FARS2: variants seen among roughly 807,000 people sequenced by gnomAD.
The protein encoded by FARS2 is phenylalanine--tRNA ligase, mitochondrial.
A neutral mutation model predicts 46.4 loss-of-function variants in FARS2; 40 were observed. The ratio of observed to expected loss-of-function variants is 0.86; its 90% CI spans 0.67 to 1.12. The LOEUF is 1.12. Among genes scored for constraint, FARS2 ranks in the 50% most tolerant of loss-of-function variants. The pLI is 0.00. For missense variants in FARS2, 513 were observed against 567.9 expected (o/e 0.90, Z 0.98); for synonymous variants, 234 against 214.9 (o/e 1.09, Z -0.78).
intron 4 of FARS2, among the ~76,000 whole-genome samples, chr6:5,501,162 A>C (rs957136572): frequency 2.6e-5 from 4 of 152,140 alleles, no homozygotes; most frequent in Non-Finnish European, 4.4e-5. Flanking sequence ...CTCGCCATCT[A>C]GTATCTAAAC....
intron 4 of FARS2, among the ~76,000 whole-genome samples, chr6:5,436,821 G>A (rs1382871000): frequency 1.3e-5 from 2 of 152,170 alleles, no homozygotes; most frequent in Non-Finnish European, 2.9e-5. Flanking sequence ...AAATACCCTA[G>A]ATAATTCTTA....
At chr6:5,615,118 G>A (rs986732765) in intron 6 of FARS2, among the ~76,000 whole-genome samples, 1 of 152,012 alleles carries the variant, frequency 6.6e-6, no homozygotes, top group African/African-American at 2.4e-5. Context: ...ATATATCATT[G>A]TGTTTCACAA....
At chr6:5,425,262 A>C (rs1004977273) in intron 3 of FARS2, among the ~76,000 whole-genome samples, 6 of 152,180 alleles carry the variant, frequency 3.9e-5, no homozygotes, top group Admixed American at 2.0e-4. Flanking sequence ...CTGATCTTTC[A>C]AAATTTAGAT....
rs984526195 is a variant in FARS2 at position 5,488,936 on chromosome 6, C to G, written c.905-56244C>G. Among the ~76,000 whole-genome samples the G allele has an allele frequency of 2.0e-5, 3 of 152,106 alleles. 1 individual carries two copies. The highest frequency in any genetic ancestry group is 4.4e-5 in the Non-Finnish European group (3 of 68,032). On this transcript the variant is annotated intron_variant, in intron 4 of 6. Coordinates refer to ENST00000274680, the MANE Select transcript of FARS2 (RefSeq NM_006567.5). ...ATATTTATTGTGCTCTTACTGTGTC[C>G]CAGGTACATTTCTAGGCACTGGGTC...
chr6:5,689,105 A>T (rs1407872509), intron 6 of FARS2, among the ~76,000 whole-genome samples: 1 of 151,938 alleles, frequency 6.6e-6, no homozygotes, highest in East Asian at 1.9e-4. Flanking sequence ...CTTCTTTATT[A>T]GTCTTGCTAG....
At chr6:5,497,122 C>T (rs964901615) in intron 4 of FARS2, among the ~76,000 whole-genome samples, 43 of 152,150 alleles carry the variant, frequency 2.8e-4, no homozygotes, top group Non-Finnish European at 2.6e-4. Flanking sequence ...AATGAAATCT[C>T]GTGTATGATG....
At chr6:5,685,646 G>A (rs547348807) in intron 6 of FARS2, among the ~76,000 whole-genome samples, 4 of 152,282 alleles carry the variant, frequency 2.6e-5, no homozygotes, top group African/African-American at 9.6e-5. Flanking sequence ...TCTACCTGGA[G>A]TAGATAAAGC....
chr6:5,298,785 A>G (rs1443171120), intron 1 of FARS2, among the ~76,000 whole-genome samples: 3 of 150,250 alleles, frequency 2.0e-5, no homozygotes, highest in Non-Finnish European at 4.4e-5. Flanking sequence ...ATACAAAAAT[A>G]CCAGGAGGTG....
chr6:5,557,840 A>G (rs1771753671), intron 5 of FARS2, among the ~76,000 whole-genome samples: 2 of 152,138 alleles, frequency 1.3e-5, no homozygotes, highest in South Asian at 4.1e-4. Flanking sequence ...CTTTCATAGG[A>G]TAACTGGATA....
intron 4 of FARS2, among the ~76,000 whole-genome samples, chr6:5,499,744 G>T (rs1159496744): frequency 6.6e-6 from 1 of 152,142 alleles, no homozygotes; most frequent in East Asian, 1.9e-4. Flanking sequence ...TAGAAAACTG[G>T]TACAAAGCCA....
intron 4 of FARS2, among the ~76,000 whole-genome samples, chr6:5,491,043 A>G (rs1404891593): frequency 3.3e-5 from 5 of 152,252 alleles, no homozygotes; most frequent in Non-Finnish European, 7.3e-5. Context: ...ACACATCAAT[A>G]GATAAGGAAT....
At chr6:5,554,298 C>T (rs1247403292) in intron 5 of FARS2, among the ~76,000 whole-genome samples, 1 of 152,006 alleles carries the variant, frequency 6.6e-6, no homozygotes, top group Non-Finnish European at 1.5e-5. Context: ...GTATTTACTT[C>T]AGAAAAAAGG....
intron 4 of FARS2, among the ~76,000 whole-genome samples, chr6:5,446,322 G>A (rs953218184): frequency 1.3e-5 from 2 of 152,020 alleles, no homozygotes; most frequent in African/African-American, 4.8e-5. Flanking sequence ...TTATTTGTCT[G>A]TGGAGCCCTG....
rs57471569 is a variant in FARS2, at chr6:5,502,893, C to A, written c.905-42287C>A. Reference sequence around the variant, plus strand: ...ACTTCAAATAGAAAATCAGTTAATTCGAATTTTTTTTTGTTTTTTTCCATG... The same window carrying A: ...ACTTCAAATAGAAAATCAGTTAATTAGAATTTTTTTTTGTTTTTTTCCATG... On this transcript the variant is annotated intron_variant, in intron 4 of 6. Coordinates refer to ENST00000274680, the MANE Select transcript of FARS2 (RefSeq NM_006567.5). Among the ~76,000 whole-genome samples, 637 of 152,084 alleles carry A rather than the reference C, an allele frequency of 4.2e-3. 3 individuals are homozygous for A. Among genetic ancestry groups the A allele is most frequent in the African/African-American group, 0.015 (605 of 41,504 alleles).
intron 6 of FARS2, among the ~76,000 whole-genome samples, chr6:5,697,685 G>A (rs1758188291): frequency 6.6e-6 from 1 of 152,188 alleles, no homozygotes; most frequent in African/African-American, 2.4e-5. Context: ...ATTCACCTTT[G>A]AAGTAGTTTC....
At chr6:5,269,639 CA>C (rs989696192) in intron 1 of FARS2, among the ~76,000 whole-genome samples, 2 of 152,126 alleles carry the variant, frequency 1.3e-5, no homozygotes, top group African/African-American at 4.8e-5. Context: ...AGGTTGTTTA[CA>C]GAAAACATTT....
At chr6:5,570,672 A>T (rs993120300) in intron 5 of FARS2, among the ~76,000 whole-genome samples, 1 of 152,338 alleles carries the variant, frequency 6.6e-6, no homozygotes. Context: ...TTAATAGGTT[A>T]TTTCAACCTC....
At position 5,311,782 on chromosome 6, in the gene FARS2, G is replaced by A. The variant is rs1414405827; in HGVS notation, c.-22+50122G>A. Among the ~76,000 whole-genome samples the A allele has an allele frequency of 6.6e-6, 1 of 152,126 alleles. No individual in the cohort carries two copies. The highest frequency in any genetic ancestry group is 1.5e-5 in the Non-Finnish European group (1 of 68,022). On this transcript the variant is annotated intron_variant, in intron 1 of 6. Transcript: ENST00000274680. The surrounding 1 kb of genome is among the most constrained non-coding windows in gnomAD (Gnocchi z 4.1). ...AATGGTTTGTACTTGTTGGGAAGAA[G>A]CAGCTCATGTTTGGATCTAGCTGTC...
chr6:5,702,994 C>T (rs576953124), intron 6 of FARS2, among the ~76,000 whole-genome samples: 7 of 152,134 alleles, frequency 4.6e-5, no homozygotes, highest in East Asian at 1.9e-4. Flanking sequence ...TTGTGGATAT[C>T]GGCTTTTCAG....
Sources: allele counts gnomAD v4.1 joint callset (sites outside exome capture counted in the v4.1 genomes callset), GRCh38; gene constraint gnomAD v4.1.1; non-coding constraint Gnocchi (gnomAD v3.1); transcripts MANE v1.5; gene names NCBI Gene and HGNC (gene_info 2026-07-23, HGNC 2026-07-21).